The following FAM163A variants were observed in gnomAD, a reference collection of about 807,000 sequenced individuals.
FAM163A encodes the protein family with sequence similarity 163 member A, also known as protein FAM163A.
Under a neutral mutation model 12.0 loss-of-function variants are expected in FAM163A, and 7 were observed. The observed-to-expected ratio is 0.58, with a 90% CI of 0.33 to 1.10. The LOEUF is 1.10. Ranked by LOEUF, FAM163A falls within the 50% of genes least tolerant of loss-of-function variation. The pLI, the probability that FAM163A is intolerant of heterozygous loss-of-function variation, is 0.03. For missense variants in FAM163A, 202 were observed against 218.6 expected, an observed-to-expected ratio of 0.92 and a Z score of 0.48; for synonymous variants, 101 against 91.0, an observed-to-expected ratio of 1.11 and a Z score of -0.62.
chr1:179,780,014 C>A (rs1689503930), intron 1 of FAM163A, among the ~76,000 whole-genome samples: 6 of 152,234 alleles, frequency 3.9e-5, no homozygotes, highest in Admixed American at 3.9e-4. Context: ...ATTGCATGCT[C>A]TGAAGAATGC....
intron 1 of FAM163A, 92 bp downstream of exon 1, chr1:179,743,515 C>T (rs1021171729): frequency 2.6e-5 from 4 of 152,294 alleles, no homozygotes; most frequent in Admixed American, 1.3e-4. Context: ...TCGGGCTCCG[C>T]GCGGGGATGT....
chr1:179,812,684 G>A (rs370664467), intron 3 of FAM163A, among the ~76,000 whole-genome samples: 2 of 152,190 alleles, frequency 1.3e-5, no homozygotes, highest in African/African-American at 2.4e-5. Context: ...GGGTTATCGC[G>A]AGGATGTAGT....
At chr1:179,782,225 G>T (rs1557938002) in intron 1 of FAM163A, among the ~76,000 whole-genome samples, 1 of 152,034 alleles carries the variant, frequency 6.6e-6, no homozygotes, top group East Asian at 1.9e-4. Flanking sequence ...GGCTGAGGCT[G>T]TTTTTCCAAT....
At chr1:179,743,680 G>A (rs1007114321) in intron 1 of FAM163A, among the ~76,000 whole-genome samples, 7 of 152,174 alleles carry the variant, frequency 4.6e-5, no homozygotes, top group Non-Finnish European at 2.9e-5. Context: ...GGGGCCTCTC[G>A]CTCCGAGGGG....
chr1:179,740,483 C>T (rs1346066066), upstream of FAM163A, among the ~76,000 whole-genome samples: 1 of 152,126 alleles, frequency 6.6e-6, no homozygotes, highest in African/African-American at 2.4e-5. Context: ...CCCTAAATGT[C>T]CTTCATTAAG....
chr1:179,810,468 C>T (rs1434556747), intron 2 of FAM163A, among the ~76,000 whole-genome samples: 1 of 152,208 alleles, frequency 6.6e-6, no homozygotes, highest in Non-Finnish European at 1.5e-5. Flanking sequence ...CCTGCCCTGG[C>T]CTGTCCCAGC....
intron 1 of FAM163A, among the ~76,000 whole-genome samples, chr1:179,797,655 T>C (rs1692527756): frequency 6.6e-6 from 1 of 152,180 alleles, no homozygotes; most frequent in Non-Finnish European, 1.5e-5. Context: ...CTACAATGTG[T>C]ACCTATATTA....
At chr1:179,781,309 A>T (rs558005278) in intron 1 of FAM163A, among the ~76,000 whole-genome samples, 1 of 152,256 alleles carries the variant, frequency 6.6e-6, no homozygotes, top group Non-Finnish European at 1.5e-5. Flanking sequence ...ATCTTATATG[A>T]ATTTTACCTC....
chr1:179,763,488 G>A (rs10913881), intron 1 of FAM163A, among the ~76,000 whole-genome samples: 4,482 of 152,278 alleles, frequency 0.029, 105 homozygotes, highest in African/African-American at 0.066. Flanking sequence ...CTTGTTGTGA[G>A]CAAAGGGGCT....
intron 1 of FAM163A, among the ~76,000 whole-genome samples, chr1:179,802,039 G>T (rs1266420638): frequency 6.6e-6 from 1 of 152,186 alleles, no homozygotes; most frequent in Non-Finnish European, 1.5e-5. Flanking sequence ...GGAAGTGAAA[G>T]CCTCCTTTCT....
At chr1:179,800,690 C>T (rs1693039380) in intron 1 of FAM163A, among the ~76,000 whole-genome samples, 1 of 152,162 alleles carries the variant, frequency 6.6e-6, no homozygotes, top group African/African-American at 2.4e-5. Flanking sequence ...GGCTCCATGC[C>T]AGGCATTTTC....
At chr1:179,789,953 GT>G (rs1160667360) in intron 1 of FAM163A, among the ~76,000 whole-genome samples, 1 of 152,170 alleles carries the variant, frequency 6.6e-6, no homozygotes, top group Non-Finnish European at 1.5e-5. Flanking sequence ...GTTTTATGTA[GT>G]GGGCAATAGC....
intron 1 of FAM163A, among the ~76,000 whole-genome samples, chr1:179,772,762 TG>T (rs992990458): frequency 6.6e-6 from 1 of 152,012 alleles, no homozygotes; most frequent in African/African-American, 2.4e-5. Context: ...AACAGCTCCA[TG>T]GTGTCATTAG....
intron 1 of FAM163A, among the ~76,000 whole-genome samples, chr1:179,771,462 G>A (rs1688277717): frequency 6.6e-6 from 1 of 152,106 alleles, no homozygotes; most frequent in Non-Finnish European, 1.5e-5. Flanking sequence ...TTTTGTCTCT[G>A]AAGTGCCTCT....
At chr1:179,740,151 T>C (rs1267336053), upstream of FAM163A, among the ~76,000 whole-genome samples, 1 of 149,120 alleles carries the variant, frequency 6.7e-6, no homozygotes, top group Non-Finnish European at 1.5e-5. Context: ...AAACAAATGT[T>C]TGTGGCAACT....
At chr1:179,757,760 C>G (rs551092296) in intron 1 of FAM163A, among the ~76,000 whole-genome samples, 1 of 152,126 alleles carries the variant, frequency 6.6e-6, no homozygotes, top group Non-Finnish European at 1.5e-5. Context: ...TGCAGTGAGC[C>G]GAGATTGCGC....
intron 1 of FAM163A, among the ~76,000 whole-genome samples, chr1:179,782,070 G>A (rs1307710666): frequency 6.6e-6 from 1 of 152,180 alleles, no homozygotes; most frequent in African/African-American, 2.4e-5. Flanking sequence ...ACGTGGAGAA[G>A]GCGCCTCTAC....
At chr1:179,732,526 C>CATAATATTATGAGATA in the FAM163A span, among the ~76,000 whole-genome samples, 5 of 152,098 alleles carry the variant, frequency 3.3e-5, no homozygotes, top group Non-Finnish European at 7.4e-5. Context: ...GAGTAATATT[C>CATAATATTATGAGATA]ATACCCTCCC....
At chr1:179,770,964 C>A (rs557294364) in intron 1 of FAM163A, among the ~76,000 whole-genome samples, 32 of 152,310 alleles carry the variant, frequency 2.1e-4, no homozygotes, top group African/African-American at 7.0e-4. Context: ...TATCCCTGTG[C>A]CTTCAAAGTC....
Sources: gnomAD v4.1 joint callset for allele counts (sites outside exome capture counted in the v4.1 genomes callset) on GRCh38, gnomAD v4.1.1 for gene constraint, MANE v1.5 for transcripts, NCBI Gene and HGNC (gene_info 2026-07-23, HGNC 2026-07-21) for gene names.